Variants in CSTPP1 observed in about 807,000 individuals in gnomAD.
The protein encoded by CSTPP1 is centriolar satellite-associated tubulin polyglutamylase complex regulator 1.
the CSTPP1 span, among the ~76,000 whole-genome samples, chr11:47,089,500 T>C: frequency 6.6e-6 from 1 of 152,166 alleles, no homozygotes; most frequent in Non-Finnish European, 1.5e-5. Flanking sequence ...AACTTGTTAA[T>C]TTATTGGTGT....
the CSTPP1 span, among the ~76,000 whole-genome samples, chr11:47,049,360 G>T: frequency 6.6e-6 from 1 of 152,132 alleles, no homozygotes; most frequent in East Asian, 2.0e-4. Flanking sequence ...AGATAGGCCA[G>T]GCGCGGTGGC....
chr11:46,979,098 C>T, the CSTPP1 span, among the ~76,000 whole-genome samples: 6 of 152,120 alleles, frequency 3.9e-5, no homozygotes, highest in African/African-American at 1.4e-4. Context: ...TTGATAAATA[C>T]ATGGTTTGCC....
chr11:47,051,691 CTTTTTTTT>C, the CSTPP1 span, among the ~76,000 whole-genome samples: 1 of 133,026 alleles, frequency 7.5e-6, no homozygotes, highest in African/African-American at 2.8e-5. Flanking sequence ...TATCTTTTTT[CTTTTTTTT>C]TTTTTTTTTT....
chr11:46,943,046 A>C, the CSTPP1 span, among the ~76,000 whole-genome samples: 1 of 152,194 alleles, frequency 6.6e-6, no homozygotes, highest in Admixed American at 6.5e-5. Flanking sequence ...CATCATTGTC[A>C]ACCTTCTATC....
chr11:47,083,579 A>G, the CSTPP1 span, among the ~76,000 whole-genome samples: 2 of 152,142 alleles, frequency 1.3e-5, no homozygotes, highest in East Asian at 1.9e-4. Context: ...GAGGGTTACA[A>G]TTTCTCCACA....
chr11:46,997,781 ACAGGACCCT>A, the CSTPP1 span, among the ~76,000 whole-genome samples: 1 of 152,176 alleles, frequency 6.6e-6, no homozygotes, highest in Non-Finnish European at 1.5e-5. Flanking sequence ...CTTCTAACAG[ACAGGACCCT>A]CAGCTGCAGG....
the CSTPP1 span, among the ~76,000 whole-genome samples, chr11:47,128,780 A>G: frequency 1.3e-5 from 2 of 152,156 alleles, no homozygotes; most frequent in Non-Finnish European, 2.9e-5. Flanking sequence ...CAGGTGAGAA[A>G]ACTGAGGCCT....
the CSTPP1 span, among the ~76,000 whole-genome samples, chr11:47,124,114 CTTTTTTTTTTT>C: frequency 1.6e-5 from 1 of 63,216 alleles, no homozygotes; most frequent in African/African-American, 6.4e-5. Flanking sequence ...AATGGTCTTA[CTTTTTTTTTTT>C]TTTTTTTTTT....
At chr11:47,122,086 AAAAAAATATATAT>A in the CSTPP1 span, among the ~76,000 whole-genome samples, 2 of 102,626 alleles carry the variant, frequency 1.9e-5, no homozygotes, top group Non-Finnish European at 4.0e-5. Context: ...AAAAAAAAAA[AAAAAAATATATAT>A]ATATATATAT....
chr11:46,944,339 G>A, the CSTPP1 span, among the ~76,000 whole-genome samples: 3 of 147,518 alleles, frequency 2.0e-5, no homozygotes, highest in Non-Finnish European at 3.0e-5. Context: ...AAAAAAAATT[G>A]TGCTTGCCTC....
the CSTPP1 span, among the ~76,000 whole-genome samples, chr11:47,076,834 C>CA: frequency 9.2e-4 from 110 of 119,116 alleles, no homozygotes; most frequent in Middle Eastern, 4.1e-3. Flanking sequence ...ACTCTGTCTC[C>CA]AAAAAAAAAA....
At chr11:47,126,502 G>C in the CSTPP1 span, among the ~76,000 whole-genome samples, 1 of 152,168 alleles carries the variant, frequency 6.6e-6, no homozygotes, top group Non-Finnish European at 1.5e-5. Context: ...GATGGTGCAT[G>C]CCTGTAGTCT....
At chr11:47,095,680 A>G in the CSTPP1 span, among the ~76,000 whole-genome samples, 122 of 152,326 alleles carry the variant, frequency 8.0e-4, no homozygotes, top group African/African-American at 2.6e-3. Flanking sequence ...GCCAAAAATG[A>G]AGCCTGGTAT....
At chr11:47,153,817 A>T in the CSTPP1 span, among the ~76,000 whole-genome samples, 1 of 152,226 alleles carries the variant, frequency 6.6e-6, no homozygotes, top group African/African-American at 2.4e-5. Context: ...GTCTCTGTGA[A>T]GCCCTTTCCC....
chr11:47,134,319 G>A, the CSTPP1 span, among the ~76,000 whole-genome samples: 1 of 152,076 alleles, frequency 6.6e-6, no homozygotes, highest in Admixed American at 6.5e-5. Flanking sequence ...TGCCCCCCAA[G>A]TAGCTGGATT....
At chr11:47,013,756 T>C in the CSTPP1 span, among the ~76,000 whole-genome samples, 4 of 152,236 alleles carry the variant, frequency 2.6e-5, no homozygotes, top group Non-Finnish European at 4.4e-5. Flanking sequence ...GTATACCCGG[T>C]AATGGGATTG....
At chr11:47,112,705 C>A in the CSTPP1 span, among the ~76,000 whole-genome samples, 1 of 152,112 alleles carries the variant, frequency 6.6e-6, no homozygotes, top group South Asian at 2.1e-4. Flanking sequence ...TTGTCTATTT[C>A]TTCTCTAATG....
the CSTPP1 span, among the ~76,000 whole-genome samples, chr11:47,079,189 T>C: frequency 6.6e-6 from 1 of 152,190 alleles, no homozygotes; most frequent in East Asian, 1.9e-4. Context: ...CTTGAGAGAC[T>C]TAAATGACAC....
chr11:47,025,909 C>T, the CSTPP1 span, among the ~76,000 whole-genome samples: 3 of 152,060 alleles, frequency 2.0e-5, no homozygotes, highest in Non-Finnish European at 4.4e-5. Context: ...AGAAAACAGA[C>T]AAGAAATTAG....
Sources: gnomAD v4.1 joint callset for allele counts (sites outside exome capture counted in the v4.1 genomes callset) on GRCh38, gnomAD v4.1.1 for gene constraint, MANE v1.5 for transcripts, NCBI Gene and HGNC (gene_info 2026-07-23, HGNC 2026-07-21) for gene names.